The following ABAT variants were observed in gnomAD, a reference collection of about 807,000 sequenced individuals.
ABAT encodes the protein 4-aminobutyrate aminotransferase.
ABAT carries 45 observed loss-of-function variants against 64.6 expected under a neutral mutation model. The observed-to-expected ratio is 0.70, with a 90% CI of 0.55 to 0.89. The LOEUF (loss-of-function observed/expected upper bound fraction) is 0.89, where lower values mean the gene tolerates loss of function less well. Ranked by LOEUF, ABAT falls within the 40% of genes least tolerant of loss-of-function variation. The pLI, the probability that ABAT is intolerant of heterozygous loss-of-function variation, is 0.00. For missense variants in ABAT, 633 were observed against 658.4 expected, an observed-to-expected ratio of 0.96 and a Z score of 0.42; for synonymous variants, 297 against 250.5, an observed-to-expected ratio of 1.19 and a Z score of -1.75.
At chr16:8,679,056 C>T (rs577709113) in intron 1 of ABAT, among the ~76,000 whole-genome samples, 1 of 152,110 alleles carries the variant, frequency 6.6e-6, no homozygotes, top group Admixed American at 6.6e-5. Context: ...CCTTGTCTCA[C>T]GTCTGCGATC....
chr16:8,772,209 C>G (rs1223375482), intron 11 of ABAT, among the ~76,000 whole-genome samples: 1 of 146,302 alleles, frequency 6.8e-6, no homozygotes, highest in Non-Finnish European at 1.5e-5. Flanking sequence ...GTAGCAGCCA[C>G]CACTTTATGT....
intron 1 of ABAT, among the ~76,000 whole-genome samples, chr16:8,690,797 C>T (rs2057561284): frequency 6.6e-6 from 1 of 152,140 alleles, no homozygotes; most frequent in African/African-American, 2.4e-5. Context: ...TACACCAGCA[C>T]CCAAAATCTC....
intron 1 of ABAT, among the ~76,000 whole-genome samples, chr16:8,734,334 C>G (rs745961315): frequency 3.6e-4 from 55 of 152,288 alleles, no homozygotes; most frequent in Non-Finnish European, 6.0e-4. Flanking sequence ...CCTCATTCAT[C>G]CCTGTATGTC....
At chr16:8,744,693 C>T (rs1433023906) in intron 2 of ABAT, among the ~76,000 whole-genome samples, 2 of 151,960 alleles carry the variant, frequency 1.3e-5, no homozygotes, top group African/African-American at 2.4e-5. Flanking sequence ...AACAACCAGA[C>T]CTCAGCCAGG....
intron 4 of ABAT, among the ~76,000 whole-genome samples, chr16:8,748,797 A>G (rs985333569): frequency 2.0e-5 from 3 of 151,946 alleles, no homozygotes; most frequent in African/African-American, 4.8e-5. Context: ...TAATATTTTT[A>G]TAGTCTATTT....
At chr16:8,759,368 AAT>A (rs2059734378) in intron 6 of ABAT, among the ~76,000 whole-genome samples, 1 of 144,706 alleles carries the variant, frequency 6.9e-6, no homozygotes, top group African/African-American at 2.6e-5. Flanking sequence ...CAGAGTAAAA[AAT>A]TTTTTTTTTT....
rs933692622 is a variant in ABAT, at chr16:8,750,547, C to T, written c.316+8C>T. ...TCTCCTCTGTCCCCATAGGTAAGAG[C>T]TGGGAAATCATTCCTTGGATATAAC... On this transcript the variant is annotated splice_region_variant and intron_variant, in intron 5 of 15. Transcript: ENST00000268251. 5.6e-6 allele frequency: 9 copies of T among 1,609,178 alleles called. No individual in the cohort carries two copies. The highest frequency in any genetic ancestry group is 1.3e-5 in the African/African-American group (1 of 74,834).
intron 1 of ABAT, among the ~76,000 whole-genome samples, chr16:8,718,735 C>A (rs11642785): frequency 0.3 from 45,868 of 152,082 alleles, 8,287 homozygotes; most frequent in Non-Finnish European, 0.4. Context: ...ATTTGCCTCC[C>A]AGGAGTAGAT....
chr16:8,763,919 A>G (rs941012452), intron 6 of ABAT, 150 bp from the exon 7 acceptor site: 19 of 716,726 alleles, frequency 2.7e-5, no homozygotes, highest in Non-Finnish European at 4.3e-5. Context: ...GTTTAAGGAA[A>G]CCGGCCATGC....
At chr16:8,721,750 C>T (rs2058377870) in intron 1 of ABAT, among the ~76,000 whole-genome samples, 1 of 152,212 alleles carries the variant, frequency 6.6e-6, no homozygotes, top group South Asian at 2.1e-4. Flanking sequence ...ATTCCTCTCA[C>T]TTTTACTGAT....
Position 8,764,240 on chromosome 16 carries a change from G to T in ABAT, c.447+91G>T. 1 of 1,086,878 alleles carries T rather than the reference G, an allele frequency of 9.2e-7. No homozygotes were observed. Among genetic ancestry groups the T allele is most frequent in the Admixed American group, 1.8e-5 (1 of 55,880 alleles). The allele number at this position is 1,086,878 out of a possible 1,614,324, so 67.3% of individuals were successfully genotyped here. On this transcript the variant is annotated intron_variant, in intron 7 of 15. Coordinates refer to ENST00000268251, the MANE Select transcript of ABAT (RefSeq NM_020686.6). This position sits in a 1 kb window ranked among gnomAD's most constrained non-coding sequence, Gnocchi z 4.2. ...AGACGCCAACAATGAAGAATAAGGT[G>T]TTGCTACAGAAATCTTTCTCTCTGA...
rs756890572 is a variant in ABAT at position 8,768,193 on chromosome 16, G to T, written c.604G>T (p.Ala202Ser). Residue 202 changes from alanine (A) to serine (S), a missense_variant and splice_region_variant, in exon 10 of 16, where the codon GCC becomes TCC. Ala to Ser is a moderately conservative substitution (Grantham distance 99). Coordinates refer to ENST00000268251, the MANE Select transcript of ABAT (RefSeq NM_020686.6). ...EELETCMINQ[A>S]PGCPDYSILS... ...AATGACTGATATTTCTTGGTTTTAG[G>T]CCCCTGGCTGCCCCGACTACAGCAT... The T allele has an allele frequency of 6.2e-7, 1 of 1,613,888 alleles. No individual in the cohort carries two copies. The highest frequency in any genetic ancestry group is 1.7e-5 in the Admixed American group (1 of 59,964).
intron 1 of ABAT, among the ~76,000 whole-genome samples, chr16:8,728,766 C>T (rs933285700): frequency 9.2e-5 from 14 of 152,024 alleles, no homozygotes; most frequent in Admixed American, 5.9e-4. Flanking sequence ...CCCAGCTACT[C>T]GGGAGGCTGA....
chr16:8,698,042 T>C (rs1476849664), intron 1 of ABAT, among the ~76,000 whole-genome samples: 1 of 152,228 alleles, frequency 6.6e-6, no homozygotes, highest in East Asian at 1.9e-4. Context: ...ATACATTCAC[T>C]TTCTGGAGCT....
intron 5 of ABAT, among the ~76,000 whole-genome samples, chr16:8,754,298 T>A (rs563461658): frequency 6.6e-6 from 1 of 150,920 alleles, no homozygotes; most frequent in South Asian, 2.1e-4. Context: ...GAGGCTGCAG[T>A]GAGCCATGAT....
intron 1 of ABAT, among the ~76,000 whole-genome samples, chr16:8,703,695 G>A (rs559347850): frequency 6.6e-6 from 1 of 152,292 alleles, no homozygotes; most frequent in Admixed American, 6.5e-5. Flanking sequence ...GCTTGAAATT[G>A]AGTGAAATGG....
intron 1 of ABAT, among the ~76,000 whole-genome samples, chr16:8,729,992 G>A (rs1421397450): frequency 6.6e-6 from 1 of 152,102 alleles, no homozygotes; most frequent in Non-Finnish European, 1.5e-5. Context: ...GAGGAAGGAA[G>A]TGCAGAGCAG....
chr16:8,691,394 C>T (rs1224499010), intron 1 of ABAT, among the ~76,000 whole-genome samples: 1 of 152,076 alleles, frequency 6.6e-6, no homozygotes, highest in Non-Finnish European at 1.5e-5. Flanking sequence ...TAACCTGCCA[C>T]ATTTCCTGGA....
chr16:8,729,826 CTT>C (rs2058666517), intron 1 of ABAT, among the ~76,000 whole-genome samples: 1 of 19,946 alleles, frequency 5.0e-5, no homozygotes, highest in Non-Finnish European at 1.0e-4. Flanking sequence ...CCTTTTTTGT[CTT>C]AAAAAAAAAA....
Sources: allele counts gnomAD v4.1 joint callset (sites outside exome capture counted in the v4.1 genomes callset), GRCh38; gene constraint gnomAD v4.1.1; non-coding constraint Gnocchi (gnomAD v3.1); transcripts MANE v1.5; gene names NCBI Gene and HGNC (gene_info 2026-07-23, HGNC 2026-07-21).